The following PYGO1 variants were observed in gnomAD, a reference collection of about 807,000 sequenced individuals.
PYGO1 encodes the protein pygopus homolog 1.
Under a neutral mutation model 29.5 loss-of-function variants are expected in PYGO1, and 6 were observed. That is an observed-to-expected ratio of 0.20 (90% CI 0.11 to 0.40). The LOEUF (loss-of-function observed/expected upper bound fraction) is 0.40, where lower values mean the gene tolerates loss of function less well. Among genes scored for constraint, PYGO1 ranks in the 10% least tolerant of loss-of-function variants. The probability of loss-of-function intolerance (pLI) is 1.00; values close to 1 mark genes in which losing one functional copy is unlikely to be tolerated. For synonymous variants in PYGO1, 186 were observed against 180.5 expected (o/e 1.03, Z -0.24); for missense variants, 515 against 514.9 (o/e 1.00, Z 0.00).
At chr15:55,558,121 T>C (rs2058915338) in intron 1 of PYGO1, among the ~76,000 whole-genome samples, 1 of 152,158 alleles carries the variant, frequency 6.6e-6, no homozygotes, top group South Asian at 2.1e-4. Flanking sequence ...GCCCAAAATC[T>C]CCTTAAACAG....
intron 1 of PYGO1, among the ~76,000 whole-genome samples, chr15:55,577,016 A>AAC (rs1555426336): frequency 6.6e-6 from 1 of 151,578 alleles, no homozygotes; most frequent in Admixed American, 6.6e-5. Context: ...TAAAAAAAAA[A>AAC]ACTACATACC....
chr15:55,564,940 A>G (rs183673179), intron 1 of PYGO1, among the ~76,000 whole-genome samples: 1 of 152,192 alleles, frequency 6.6e-6, no homozygotes, highest in East Asian at 1.9e-4. Flanking sequence ...TTAACATCCT[A>G]CTTTCCTTGC....
chr15:55,565,791 C>A (rs1429983359), intron 1 of PYGO1, among the ~76,000 whole-genome samples: 1 of 151,738 alleles, frequency 6.6e-6, no homozygotes, highest in Non-Finnish European at 1.5e-5. Flanking sequence ...GCCATTTTTT[C>A]TTTTCTTTTC....
chr15:55,559,744 A>C (rs1386766257), intron 1 of PYGO1, among the ~76,000 whole-genome samples: 1 of 152,162 alleles, frequency 6.6e-6, no homozygotes, highest in Non-Finnish European at 1.5e-5. Flanking sequence ...AAAAGAGAAA[A>C]CTTCAGGCTA....
At chr15:55,579,212 T>C (rs1302327522) in intron 1 of PYGO1, among the ~76,000 whole-genome samples, 1 of 152,230 alleles carries the variant, frequency 6.6e-6, no homozygotes, top group Non-Finnish European at 1.5e-5. Context: ...GCAGTTTTTC[T>C]ATAACACCAT....
At position 55,539,640 on chromosome 15, in the gene PYGO1, T is replaced by C. The variant is rs1482701917; in HGVS notation, c.*6383A>G. The C allele has an allele frequency of 6.6e-6, 1 of 152,030 alleles. No homozygotes were observed. The highest frequency in any genetic ancestry group is 2.4e-5 in the African/African-American group (1 of 41,432). 9.4% of individuals were successfully genotyped at this position (152,030 alleles called of 1,614,324 possible). ...AATACTAAATTTTTAACATAAAATA[T>C]AGAACTATGAAAATTTTGGGCATTC... On this transcript the variant is annotated 3_prime_UTR_variant, in exon 3 of 3. Coordinates refer to ENST00000563719, the MANE Select transcript of PYGO1 (RefSeq NM_001367806.1).
At chr15:55,559,762 T>C (rs950781354) in intron 1 of PYGO1, among the ~76,000 whole-genome samples, 2 of 152,216 alleles carry the variant, frequency 1.3e-5, no homozygotes, top group Admixed American at 1.3e-4. Flanking sequence ...CTAATATTCC[T>C]GATGAACATT....
intron 1 of PYGO1, among the ~76,000 whole-genome samples, chr15:55,569,614 A>C (rs1387207307): frequency 2.0e-5 from 3 of 152,152 alleles, no homozygotes; most frequent in Non-Finnish European, 2.9e-5. Flanking sequence ...ATTTTGAGAG[A>C]TCTTCTTGGT....
At chr15:55,564,458 G>T (rs1229671706) in intron 1 of PYGO1, among the ~76,000 whole-genome samples, 2 of 152,160 alleles carry the variant, frequency 1.3e-5, no homozygotes, top group African/African-American at 4.8e-5. Context: ...TGAGGCAATG[G>T]AAAGTAATAT....
In PYGO1 at chr15:55,588,175, G is replaced by A. The variant is rs1483295410; in HGVS notation, c.-292C>T. 2 of 414,600 alleles carry A rather than the reference G, an allele frequency of 4.8e-6. No homozygotes were observed. Among genetic ancestry groups the A allele is most frequent in the Non-Finnish European group, 6.4e-6 (2 of 310,330 alleles). 25.7% of individuals were successfully genotyped at this position (414,600 alleles called of 1,614,324 possible). ...CCCACCCGGGGCCGGCATGTGCTGA[G>A]GGCGAGTGCGCCGCCGCCGCCGCCG... On this transcript the variant is annotated 5_prime_UTR_variant, in exon 1 of 3. Coordinates refer to ENST00000563719, the MANE Select transcript of PYGO1 (RefSeq NM_001367806.1).
chr15:55,585,367 GC>G (rs1403614226), intron 1 of PYGO1, among the ~76,000 whole-genome samples: 1 of 152,096 alleles, frequency 6.6e-6, no homozygotes, highest in African/African-American at 2.4e-5. Flanking sequence ...TTTATGCCCT[GC>G]AAACACCACA....
intron 1 of PYGO1, among the ~76,000 whole-genome samples, chr15:55,554,114 A>T (rs1472178063): frequency 6.6e-6 from 1 of 152,148 alleles, no homozygotes; most frequent in African/African-American, 2.4e-5. Context: ...ACTCAAAAAA[A>T]CAGAGTGCCT....
intron 1 of PYGO1, among the ~76,000 whole-genome samples, chr15:55,565,419 T>C (rs1284412085): frequency 1.3e-5 from 2 of 152,022 alleles, no homozygotes; most frequent in African/African-American, 4.8e-5. Flanking sequence ...TCATATGTAT[T>C]TTGGCCAAGC....
Position 55,567,679 on chromosome 15 carries a change from C to A in PYGO1, c.50-18684G>T, listed in dbSNP as rs2058962896. Among the ~76,000 whole-genome samples the A allele has an allele frequency of 3.9e-5, 6 of 152,076 alleles. No individual in the cohort carries two copies. The South Asian group carries it at 1.2e-3, about 32-fold the overall frequency. ...CAAGACTTAGTCATATATTCTTTTG[C>A]AAGACTGTTGTCCAGAATGGTGTTT... On this transcript the variant is annotated intron_variant, in intron 1 of 2. Coordinates refer to ENST00000563719, the MANE Select transcript of PYGO1 (RefSeq NM_001367806.1).
At chr15:55,571,494 A>G (rs935487955) in intron 1 of PYGO1, among the ~76,000 whole-genome samples, 1 of 152,156 alleles carries the variant, frequency 6.6e-6, no homozygotes, top group Admixed American at 6.5e-5. Context: ...TAACTGAATC[A>G]TGGGGGCAGG....
chr15:55,588,475 CG>C (rs1202887260), upstream of PYGO1, among the ~76,000 whole-genome samples: 1 of 147,540 alleles, frequency 6.8e-6, no homozygotes, highest in East Asian at 2.0e-4. Context: ...GGGCGGGGGC[CG>C]CTGCCTCGTC....
chr15:55,546,841 A>G lies in PYGO1; in HGVS notation c.442T>C (p.Phe148Leu). ...MGFNRPHAFN[F>L]GPHDNSSFGN... ...AAACTTGAATTATCATGTGGCCCAA[A>G]GTTAAAAGCATGAGGTCGATTAAAA... Residue 148 changes from phenylalanine to leucine, a missense_variant, in exon 3 of 3, where the codon TTT (phenylalanine) becomes CTT (leucine). By Grantham distance (22) the Phe-to-Leu change is conservative (BLOSUM62 0). Coordinates refer to ENST00000563719, the MANE Select transcript of PYGO1 (RefSeq NM_001367806.1). 3 of 1,614,120 alleles carry G rather than the reference A, an allele frequency of 1.9e-6. No individual in the cohort carries two copies. The highest frequency in any genetic ancestry group is 1.7e-6 in the Non-Finnish European group (2 of 1,180,018).
At position 55,588,206 on chromosome 15, in the gene PYGO1, T is replaced by G; in HGVS notation, c.-323A>C. On this transcript the variant is annotated 5_prime_UTR_variant, in exon 1 of 3. Transcript: ENST00000563719. ...GTGCGCCGCCGCCGCCGCCGCCTCC[T>G]CCCACTCCTTCTTCTTCGCCGCCGC... 1 of 219,128 alleles carries G rather than the reference T, an allele frequency of 4.6e-6. No homozygotes were observed. Among genetic ancestry groups the G allele is most frequent in the Non-Finnish European group, 7.6e-6 (1 of 131,546 alleles). 13.6% of individuals were successfully genotyped at this position (219,128 alleles called of 1,614,324 possible). A position where few individuals can be genotyped will look rare whatever the true frequency, so the allele number is the denominator to read the frequency against.
chr15:55,581,666 G>A (rs1204724176), intron 1 of PYGO1, among the ~76,000 whole-genome samples: 1 of 152,100 alleles, frequency 6.6e-6, no homozygotes, highest in Non-Finnish European at 1.5e-5. Flanking sequence ...TTCCTCGACT[G>A]TAAACCAACA....
Sources: gnomAD v4.1 joint callset for allele counts (sites outside exome capture counted in the v4.1 genomes callset) on GRCh38, gnomAD v4.1.1 for gene constraint, MANE v1.5 for transcripts, NCBI Gene and HGNC (gene_info 2026-07-23, HGNC 2026-07-21) for gene names.